Variants in INPP4B observed in about 807,000 individuals in gnomAD.
INPP4B encodes the protein inositol polyphosphate 4-phosphatase type II.
A neutral mutation model predicts 122.5 loss-of-function variants in INPP4B; 55 were observed. The ratio of observed to expected loss-of-function variants is 0.45; its 90% CI spans 0.36 to 0.56. The LOEUF (loss-of-function observed/expected upper bound fraction) is 0.56, where lower values mean the gene tolerates loss of function less well. Ranked by LOEUF, INPP4B falls within the 20% of genes least tolerant of loss-of-function variation. The pLI is 0.00. For synonymous variants in INPP4B, 403 were observed against 388.7 expected, an observed-to-expected ratio of 1.04 and a Z score of -0.43; for missense variants, 1,000 against 1,097.7, an observed-to-expected ratio of 0.91 and a Z score of 1.26.
chr4:142,209,148 A>C, intron 12 of INPP4B, 122 bp from the exon 13 acceptor site: 1 of 585,552 alleles, frequency 1.7e-6, no homozygotes. Context: ...GGAAAGTTCT[A>C]TGAGCTTATT....
chr4:142,392,348 C>A (rs575506000), intron 7 of INPP4B, among the ~76,000 whole-genome samples: 1 of 152,054 alleles, frequency 6.6e-6, no homozygotes, highest in Non-Finnish European at 1.5e-5. Context: ...CCTCTATGAA[C>A]AATAGAAATG....
chr4:142,422,271 T>C (rs890117813), intron 5 of INPP4B, among the ~76,000 whole-genome samples: 51 of 152,224 alleles, frequency 3.4e-4, no homozygotes, highest in African/African-American at 1.2e-3. Flanking sequence ...TAGAACAGCA[T>C]ATGGCAAACA....
intron 7 of INPP4B, among the ~76,000 whole-genome samples, chr4:142,360,150 A>G (rs1497395): frequency 0.98 from 148,643 of 152,018 alleles, 72,774 homozygotes; most frequent in East Asian, 1. Context: ...CTGAGATCAG[A>G]ATTCTGTTAA....
rs572684902 is a variant in INPP4B at position 142,735,613 on chromosome 4, C to G, written c.-253-9712G>C. On this transcript the variant is annotated intron_variant, in intron 1 of 25. Transcript: ENST00000262992. ...AAAAGTAAGATTTGAAGGCAGGGAG[C>G]TGCCACAAACCCCGATCCTTTGACT... Among the ~76,000 whole-genome samples the G allele has an allele frequency of 5.3e-5, 8 of 152,284 alleles. No homozygotes were observed. In the East Asian group the frequency reaches 1.5e-3, roughly 29 times the overall value.
At chr4:142,431,035 C>G in intron 4 of INPP4B, 134 bp downstream of exon 4, 1 of 638,274 alleles carries the variant, frequency 1.6e-6, no homozygotes, top group Non-Finnish European at 2.8e-6. Flanking sequence ...AGGAAAAATA[C>G]TTTGGTAATT....
intron 2 of INPP4B, among the ~76,000 whole-genome samples, chr4:142,654,342 C>T (rs1425075468): frequency 1.5e-5 from 2 of 133,068 alleles, no homozygotes; most frequent in Non-Finnish European, 3.1e-5. Context: ...GCACATTGTG[C>T]ACTTGTACCC....
chr4:142,739,262 T>A (rs1037574263), intron 1 of INPP4B, among the ~76,000 whole-genome samples: 5 of 152,106 alleles, frequency 3.3e-5, no homozygotes, highest in African/African-American at 1.2e-4. Flanking sequence ...ATAGAAATTA[T>A]GAAATTTCTT....
At chr4:142,440,380 G>T (rs1006167003) in intron 3 of INPP4B, among the ~76,000 whole-genome samples, 2 of 152,198 alleles carry the variant, frequency 1.3e-5, no homozygotes, top group Non-Finnish European at 2.9e-5. Flanking sequence ...TGAACTACGT[G>T]AAGGGGAGAG....
intron 5 of INPP4B, among the ~76,000 whole-genome samples, chr4:142,427,955 A>G (rs955167158): frequency 2.6e-4 from 40 of 151,904 alleles, no homozygotes; most frequent in African/African-American, 9.7e-4. Flanking sequence ...GAAAAAAATA[A>G]TAGCCTCATT....
At chr4:142,093,761 A>G (rs1780608929) in intron 23 of INPP4B, among the ~76,000 whole-genome samples, 1 of 152,196 alleles carries the variant, frequency 6.6e-6, no homozygotes, top group South Asian at 2.1e-4. Flanking sequence ...CCAATTTTCA[A>G]TTTATGAAGA....
At chr4:142,175,238 A>T (rs1167716901) in intron 15 of INPP4B, among the ~76,000 whole-genome samples, 2 of 152,132 alleles carry the variant, frequency 1.3e-5, no homozygotes, top group Non-Finnish European at 2.9e-5. Flanking sequence ...CCATAATTTT[A>T]TTCCTCATCT....
At chr4:142,308,396 T>C (rs1300469811) in intron 8 of INPP4B, among the ~76,000 whole-genome samples, 1 of 152,190 alleles carries the variant, frequency 6.6e-6, no homozygotes, top group East Asian at 1.9e-4. Context: ...CAGGACTGCA[T>C]GTTGTATAAA....
At position 142,258,021 on chromosome 4, in the gene INPP4B, CA is replaced by C. The variant is rs1467451033; in HGVS notation, c.688+2470del. Among the ~76,000 whole-genome samples, 10 of 151,958 alleles carry C rather than the reference CA, an allele frequency of 6.6e-5. 1 individual carries two copies. Among genetic ancestry groups the C allele is most frequent in the African/African-American group, 2.4e-4 (10 of 41,384 alleles). On this transcript the variant is annotated intron_variant, in intron 11 of 25. Transcript: ENST00000262992. ...AAAACAGAGATATAGATCAATGGAACAGAACAGAGCCCTCAGAAATAACGCC... is the reference window on the plus strand; with the variant it reads ...AAAACAGAGATATAGATCAATGGAACGAACAGAGCCCTCAGAAATAACGCC...
intron 2 of INPP4B, among the ~76,000 whole-genome samples, chr4:142,576,729 C>T (rs1044063540): frequency 7.9e-5 from 12 of 151,936 alleles, no homozygotes; most frequent in Admixed American, 7.2e-4. Flanking sequence ...CATCTGATCC[C>T]TCTACACCCA....
chr4:142,093,338 T>G (rs1197095482), intron 23 of INPP4B, among the ~76,000 whole-genome samples: 2 of 152,248 alleles, frequency 1.3e-5, no homozygotes, highest in Non-Finnish European at 2.9e-5. Context: ...CCATCCCCAG[T>G]TTCCCTTTCT....
At chr4:142,479,935 C>G (rs1408579947) in intron 2 of INPP4B, among the ~76,000 whole-genome samples, 2 of 152,124 alleles carry the variant, frequency 1.3e-5, no homozygotes, top group African/African-American at 4.8e-5. Flanking sequence ...TAACACTGCG[C>G]ATGTACCCCT....
At chr4:142,407,797 A>G (rs921919558) in intron 5 of INPP4B, among the ~76,000 whole-genome samples, 1 of 152,144 alleles carries the variant, frequency 6.6e-6, no homozygotes, top group African/African-American at 2.4e-5. Flanking sequence ...GCACTGAGTA[A>G]GTCACAAACT....
chr4:142,251,796 T>C (rs550285457), intron 11 of INPP4B, among the ~76,000 whole-genome samples: 1 of 152,226 alleles, frequency 6.6e-6, no homozygotes, highest in Admixed American at 6.5e-5. Flanking sequence ...TGGCTGCCTC[T>C]TGCAAGAGAA....
intron 12 of INPP4B, among the ~76,000 whole-genome samples, chr4:142,229,591 T>G (rs1283980722): frequency 6.6e-6 from 1 of 152,232 alleles, no homozygotes; most frequent in African/African-American, 2.4e-5. Flanking sequence ...AATGTTTTGA[T>G]AGAGGCATAT....
Sources: gnomAD v4.1 joint callset for allele counts (sites outside exome capture counted in the v4.1 genomes callset) on GRCh38, gnomAD v4.1.1 for gene constraint, MANE v1.5 for transcripts, NCBI Gene and HGNC (gene_info 2026-07-23, HGNC 2026-07-21) for gene names.